Variants in CNTN3 observed in about 807,000 individuals in gnomAD.
The protein encoded by CNTN3 is contactin 3.
A neutral mutation model predicts 119.1 loss-of-function variants in CNTN3; 60 were observed. That is an observed-to-expected ratio of 0.50 (90% CI 0.41 to 0.62). The LOEUF is 0.62. CNTN3 is among the 20% of genes least tolerant of loss of function. The probability of loss-of-function intolerance (pLI) is 0.00; values close to 1 mark genes in which losing one functional copy is unlikely to be tolerated. For synonymous variants in CNTN3, 450 were observed against 438.7 expected (o/e 1.03, Z -0.32); for missense variants, 1,101 against 1,242.4 (o/e 0.89, Z 1.71).
intron 13 of CNTN3, among the ~76,000 whole-genome samples, chr3:74,315,368 T>C (rs1217514932): frequency 6.6e-6 from 1 of 152,186 alleles, no homozygotes; most frequent in African/African-American, 2.4e-5. Flanking sequence ...ACTTCCCTGA[T>C]AAACTTGTTT....
chr3:74,555,559 G>C (rs932145882), intron 1 of CNTN3, among the ~76,000 whole-genome samples: 3 of 152,046 alleles, frequency 2.0e-5, no homozygotes, highest in African/African-American at 7.2e-5. Context: ...TTTTTGGTTG[G>C]TAGGCTATTA....
At position 74,364,603 on chromosome 3, in the gene CNTN3, G is replaced by A; in HGVS notation, c.1084-7C>T. On this transcript the variant is annotated splice_region_variant and splice_polypyrimidine_tract_variant and intron_variant, in intron 9 of 22. Transcript: ENST00000263665. ...TTTCTATCTGTGTTCTCTCCTAGAT[G>A]ATAATAAAAATATCTTTCATATAAA... 2 of 1,593,614 alleles carry A rather than the reference G, an allele frequency of 1.3e-6. No individual in the cohort carries two copies. Among genetic ancestry groups the A allele is most frequent in the Non-Finnish European group, 1.7e-6 (2 of 1,163,880 alleles).
intron 20 of CNTN3, among the ~76,000 whole-genome samples, chr3:74,268,990 A>C (rs1701714654): frequency 6.6e-6 from 1 of 151,674 alleles, no homozygotes; most frequent in Admixed American, 6.6e-5. Flanking sequence ...TATGAGTCAC[A>C]ACATACGTGG....
At chr3:74,302,270 C>T (rs1301698812) in intron 14 of CNTN3, among the ~76,000 whole-genome samples, 1 of 152,140 alleles carries the variant, frequency 6.6e-6, no homozygotes, top group Non-Finnish European at 1.5e-5. Flanking sequence ...GGCAGCAGCT[C>T]AGGTTGGCAA....
At chr3:74,298,976 G>T (rs762537592) in intron 17 of CNTN3, among the ~76,000 whole-genome samples, 3 of 151,918 alleles carry the variant, frequency 2.0e-5, no homozygotes, top group Non-Finnish European at 4.4e-5. Context: ...GGAGGCCAAG[G>T]CACCTCGATC....
intron 11 of CNTN3, among the ~76,000 whole-genome samples, chr3:74,348,925 A>G (rs2106743027): frequency 6.6e-6 from 1 of 152,122 alleles, no homozygotes; most frequent in African/African-American, 2.4e-5. Flanking sequence ...CTATAAAAAA[A>G]AAATATAAAA....
intron 4 of CNTN3, among the ~76,000 whole-genome samples, chr3:74,485,197 A>G (rs182241851): frequency 6.6e-6 from 1 of 152,110 alleles, no homozygotes; most frequent in Admixed American, 6.5e-5. Flanking sequence ...TGGAAATTGC[A>G]CTAAACCTGC....
intron 19 of CNTN3, among the ~76,000 whole-genome samples, chr3:74,292,748 G>A (rs974033366): frequency 6.6e-5 from 10 of 152,162 alleles, no homozygotes; most frequent in Non-Finnish European, 1.0e-4. Context: ...CAGCTGGCAA[G>A]TGGTAGAATT....
chr3:74,535,505 G>T (rs1703751475), intron 1 of CNTN3, among the ~76,000 whole-genome samples: 1 of 152,046 alleles, frequency 6.6e-6, no homozygotes, highest in Non-Finnish European at 1.5e-5. Context: ...CAAACTGACT[G>T]CCTGTATGTA....
Position 74,317,405 on chromosome 3 carries a change from G to A in CNTN3, c.1669-14598C>T, listed in dbSNP as rs1211633738. On this transcript the variant is annotated intron_variant, in intron 13 of 22. Coordinates refer to ENST00000263665, the MANE Select transcript of CNTN3 (RefSeq NM_020872.3). ...ATGATGTTAGCTGGTTATTTTGCTCGTTAGTTGATGCAGTTTCTTCCTAGC... is the reference window on the plus strand; with the variant it reads ...ATGATGTTAGCTGGTTATTTTGCTCATTAGTTGATGCAGTTTCTTCCTAGC... Among the ~76,000 whole-genome samples the A allele has an allele frequency of 1.1e-4, 16 of 152,122 alleles. No individual in the cohort carries two copies. In the South Asian group the frequency reaches 1.2e-3, roughly 12 times the overall value.
intron 4 of CNTN3, among the ~76,000 whole-genome samples, chr3:74,454,736 G>C (rs1702232798): frequency 6.6e-6 from 1 of 152,090 alleles, no homozygotes; most frequent in African/African-American, 2.4e-5. Flanking sequence ...GCATTTGCTT[G>C]TCTGTAAAGG....
intron 4 of CNTN3, among the ~76,000 whole-genome samples, chr3:74,427,166 G>C (rs1701708113): frequency 6.6e-6 from 1 of 152,180 alleles, no homozygotes; most frequent in Non-Finnish European, 1.5e-5. Context: ...CTGGATATCT[G>C]ATATGGCCGG....
At chr3:74,340,725 G>A (rs1256751408) in intron 11 of CNTN3, among the ~76,000 whole-genome samples, 1 of 152,140 alleles carries the variant, frequency 6.6e-6, no homozygotes, top group Admixed American at 6.6e-5. Flanking sequence ...ATAGGTTAGA[G>A]ATAGAATGGG....
chr3:74,557,050 A>G (rs1177600243), intron 1 of CNTN3, among the ~76,000 whole-genome samples: 3 of 152,148 alleles, frequency 2.0e-5, no homozygotes, highest in Admixed American at 1.3e-4. Flanking sequence ...TACCAGATAC[A>G]TAATTTATAA....
chr3:74,587,518 A>T (rs193042421), intron 1 of CNTN3, among the ~76,000 whole-genome samples: 37 of 152,226 alleles, frequency 2.4e-4, no homozygotes, highest in Admixed American at 2.2e-3. Context: ...TCCATCTGCC[A>T]CTTATGGTGG....
intron 1 of CNTN3, among the ~76,000 whole-genome samples, chr3:74,548,980 C>T (rs2107157258): frequency 6.6e-6 from 1 of 152,294 alleles, no homozygotes; most frequent in East Asian, 1.9e-4. Flanking sequence ...ACCTAGGTAA[C>T]ATGGACATTC....
chr3:74,396,739 C>T (rs1265781683), intron 5 of CNTN3, among the ~76,000 whole-genome samples: 15 of 109,864 alleles, frequency 1.4e-4, no homozygotes, highest in African/African-American at 4.4e-4. Flanking sequence ...AGCGAGATTC[C>T]GCCTCAGAAA....
chr3:74,600,320 G>A (rs1171907632), intron 1 of CNTN3, among the ~76,000 whole-genome samples: 1 of 152,072 alleles, frequency 6.6e-6, no homozygotes, highest in African/African-American at 2.4e-5. Context: ...TCTGAGATCA[G>A]TAGAAAAGTT....
chr3:74,425,136 A>T (rs1701675728), intron 4 of CNTN3, among the ~76,000 whole-genome samples, 196 bp from the exon 5 acceptor site: 1 of 151,992 alleles, frequency 6.6e-6, no homozygotes, highest in African/African-American at 2.4e-5. Flanking sequence ...TTATGTGGTT[A>T]TACTGTGTAA....
Sources: gnomAD v4.1 joint callset for allele counts (sites outside exome capture counted in the v4.1 genomes callset) on GRCh38, gnomAD v4.1.1 for gene constraint, MANE v1.5 for transcripts, NCBI Gene and HGNC (gene_info 2026-07-23, HGNC 2026-07-21) for gene names.